SYNPO2: variants seen among roughly 807,000 people sequenced by gnomAD.
SYNPO2 encodes synaptopodin-2.
A neutral mutation model predicts 85.0 loss-of-function variants in SYNPO2; 56 were observed. The observed-to-expected ratio is 0.66, with a 90% CI of 0.53 to 0.82. The LOEUF is 0.82. Among genes scored for constraint, SYNPO2 ranks in the 40% least tolerant of loss-of-function variants. The probability of loss-of-function intolerance (pLI) is 0.00; values close to 1 mark genes in which losing one functional copy is unlikely to be tolerated. For missense variants in SYNPO2, 1,575 were observed against 1,534.2 expected, an observed-to-expected ratio of 1.03 and a Z score of -0.44; for synonymous variants, 602 against 591.1, an observed-to-expected ratio of 1.02 and a Z score of -0.27.
At chr4:118,875,586 T>A (rs1373024068) in intron 1 of SYNPO2, among the ~76,000 whole-genome samples, 8 of 152,222 alleles carry the variant, frequency 5.3e-5, no homozygotes, top group Non-Finnish European at 1.0e-4. Flanking sequence ...TGTGCTTCCA[T>A]TATCTAGCAT....
At chr4:118,884,305 C>A (rs1264101071), upstream of SYNPO2, among the ~76,000 whole-genome samples, 1 of 152,188 alleles carries the variant, frequency 6.6e-6, no homozygotes, top group Non-Finnish European at 1.5e-5. Context: ...TCCCAACACA[C>A]CTTGTGGTGG....
chr4:118,938,719 T>C (rs1338095220), intron 1 of SYNPO2, among the ~76,000 whole-genome samples: 2 of 152,210 alleles, frequency 1.3e-5, no homozygotes, highest in African/African-American at 4.8e-5. Context: ...TGTCTTAAAA[T>C]ATTTGAGTTT....
intron 3 of SYNPO2, among the ~76,000 whole-genome samples, chr4:119,028,105 T>C (rs1224288171): frequency 6.6e-6 from 1 of 152,248 alleles, no homozygotes; most frequent in South Asian, 2.1e-4. Context: ...TTAAATTCAG[T>C]GCTTTGTATG....
chr4:118,968,834 G>A (rs1735413445), intron 1 of SYNPO2, among the ~76,000 whole-genome samples: 1 of 152,212 alleles, frequency 6.6e-6, no homozygotes, highest in African/African-American at 2.4e-5. Flanking sequence ...AGCAAGCTCA[G>A]ACTGATTTTT....
chr4:118,928,190 A>AT (rs1490776908), intron 1 of SYNPO2, among the ~76,000 whole-genome samples: 6 of 152,200 alleles, frequency 3.9e-5, no homozygotes, highest in African/African-American at 1.4e-4. Context: ...AACAGTTCAC[A>AT]TGTTGCCCTT....
intron 1 of SYNPO2, among the ~76,000 whole-genome samples, chr4:118,983,114 T>C (rs1736092131): frequency 6.6e-6 from 1 of 152,210 alleles, no homozygotes. Context: ...TTGGCTACTT[T>C]GCAGAGATGG....
Position 119,057,963 on chromosome 4 carries a change from T to C in SYNPO2, c.*29T>C, listed in dbSNP as rs753742599. 6.4e-7 allele frequency: 1 copy of C among 1,561,974 alleles called. No individual in the cohort carries two copies. Among genetic ancestry groups the C allele is most frequent in the Non-Finnish European group, 8.6e-7 (1 of 1,162,012 alleles). ...TTAGAAGAACGGATCATGTGCCAAC[T>C]GTAGTTTTTTAAAAAAAACGCTCCT... On this transcript the variant is annotated 3_prime_UTR_variant, in exon 5 of 5. Coordinates refer to ENST00000307142, the MANE Select transcript of SYNPO2 (RefSeq NM_133477.3).
In SYNPO2 at chr4:119,012,390, T is replaced by A. The variant is rs573621393; in HGVS notation, c.106-11040T>A. 3.8e-4 allele frequency among the ~76,000 whole-genome samples: 50 copies of A among 132,758 alleles called. 1 individual carries two copies. The South Asian group carries it at 0.011, about 30-fold the overall frequency. 87.1% of individuals were successfully genotyped at this position (132,758 alleles called of 152,430 possible). A position where few individuals can be genotyped will look rare whatever the true frequency, so the allele number is the denominator to read the frequency against. On this transcript the variant is annotated intron_variant, in intron 1 of 4. Transcript: ENST00000307142. ...TCCCCCTTTTCTTTTTTTTTTTTTT[T>A]TTTATTTTACTTTAAGTTCTGGGAT...
chr4:118,900,741 G>GTCTATCTATCTATCTATCTA (rs200026031), intron 1 of SYNPO2, among the ~76,000 whole-genome samples: 17 of 86,296 alleles, frequency 2.0e-4, no homozygotes, highest in Admixed American at 5.5e-4. Context: ...ATGTCTGTCT[G>GTCTATCTATCTATCTATCTA]TCTATCTATC....
intron 4 of SYNPO2, chr4:119,042,699 G>GAGT (rs1279457853): frequency 6.6e-6 from 1 of 152,030 alleles, no homozygotes; most frequent in East Asian, 1.9e-4. Flanking sequence ...TTGGCAAATA[G>GAGT]AGTAGTATGT....
chr4:119,050,608 G>A (rs961535818), intron 4 of SYNPO2, among the ~76,000 whole-genome samples: 1 of 152,096 alleles, frequency 6.6e-6, no homozygotes, highest in Non-Finnish European at 1.5e-5. Context: ...CATACAATAA[G>A]CAATCTATTA....
chr4:118,924,069 C>T (rs1733632851), intron 1 of SYNPO2, among the ~76,000 whole-genome samples: 1 of 152,148 alleles, frequency 6.6e-6, no homozygotes, highest in Non-Finnish European at 1.5e-5. Context: ...ATCAGATTTA[C>T]ACATCTGTCA....
At chr4:118,926,835 C>T (rs1733727179) in intron 1 of SYNPO2, among the ~76,000 whole-genome samples, 1 of 152,128 alleles carries the variant, frequency 6.6e-6, no homozygotes, top group South Asian at 2.1e-4. Context: ...GTCCAGCTCC[C>T]TTAAGTCTGT....
intron 1 of SYNPO2, among the ~76,000 whole-genome samples, chr4:119,003,480 T>C (rs986690204): frequency 6.6e-6 from 1 of 152,216 alleles, no homozygotes; most frequent in African/African-American, 2.4e-5. Context: ...CAGGAGACTC[T>C]AGAAAATTTT....
At chr4:118,997,292 A>G (rs548319397) in intron 1 of SYNPO2, among the ~76,000 whole-genome samples, 2 of 151,932 alleles carry the variant, frequency 1.3e-5, no homozygotes, top group East Asian at 3.9e-4. Flanking sequence ...GGAAACATTG[A>G]TTGACTGGCT....
chr4:119,038,456 G>A (rs188279727), intron 4 of SYNPO2: 26 of 985,036 alleles, frequency 2.6e-5, no homozygotes, highest in South Asian at 9.4e-5. Flanking sequence ...AGTGTTGTTC[G>A]TTGGCTGGGA....
At position 118,867,261 on chromosome 4, in the gene SYNPO2, T is replaced by A. The variant is rs116108848; in HGVS notation, c.12+16321T>A. 3.5e-3 allele frequency among the ~76,000 whole-genome samples: 530 copies of A among 152,320 alleles called. 3 individuals carry two copies. Among genetic ancestry groups the A allele is most frequent in the African/African-American group, 0.012 (489 of 41,572 alleles). Reference sequence around the variant, plus strand: ...TACAGTATCTAATATATTGACTTCATATTTAACTTTTCTCAGATTTACCTA... The same window carrying A: ...TACAGTATCTAATATATTGACTTCAAATTTAACTTTTCTCAGATTTACCTA... On this transcript the variant is annotated intron_variant, in intron 1 of 4. Transcript: ENST00000610556.
chr4:119,041,463 T>C (rs1228093350), intron 4 of SYNPO2, among the ~76,000 whole-genome samples: 4 of 152,080 alleles, frequency 2.6e-5, no homozygotes, highest in Admixed American at 6.5e-5. Flanking sequence ...CACAATTAGA[T>C]CTTTGGTTTG....
intron 1 of SYNPO2, among the ~76,000 whole-genome samples, chr4:118,988,808 G>T (rs1447628118): frequency 6.6e-6 from 1 of 152,110 alleles, no homozygotes; most frequent in Non-Finnish European, 1.5e-5. Flanking sequence ...CTCTGCGAAG[G>T]TTGGTGGCCA....
Sources: allele counts gnomAD v4.1 joint callset (sites outside exome capture counted in the v4.1 genomes callset), GRCh38; gene constraint gnomAD v4.1.1; transcripts MANE v1.5; gene names NCBI Gene and HGNC (gene_info 2026-07-23, HGNC 2026-07-21).